Variants in NCAM1 observed in about 807,000 individuals in gnomAD.
The protein encoded by NCAM1 is neural cell adhesion molecule 1.
NCAM1 carries 14 observed loss-of-function variants against 109.8 expected under a neutral mutation model. That is an observed-to-expected ratio of 0.13 (90% CI 0.08 to 0.20). The LOEUF (loss-of-function observed/expected upper bound fraction) is 0.20. Ranked by LOEUF, NCAM1 falls within the 10% of genes least tolerant of loss-of-function variation. NCAM1 has a pLI of 1.00. For missense variants in NCAM1, 774 were observed against 1,109.9 expected (o/e 0.70, Z 4.30); for synonymous variants, 418 against 442.9 (o/e 0.94, Z 0.70).
Position 113,270,395 on chromosome 11 carries a change from C to T in NCAM1, c.2339C>T (p.Ser780Leu), listed in dbSNP as rs1555125068. The change falls in exon 18 of 20, where the codon TCG becomes TTG. Residue 780 changes from serine (S) to leucine (L), a missense_variant and splice_region_variant. Transcript: ENST00000316851. ...ATGGAGGAGGGCAAGGCCGCCTTCTCGTGAGTGCAGACCTGTCCACCTTGC... is the reference window on the plus strand; with the variant it reads ...ATGGAGGAGGGCAAGGCCGCCTTCTTGTGAGTGCAGACCTGTCCACCTTGC... ...KDMEEGKAAFSKDESKEPIVE... is the reference protein window; with the variant it reads ...KDMEEGKAAFLKDESKEPIVE... 2.5e-6 allele frequency: 4 copies of T among 1,613,940 alleles called. No homozygotes were observed. The highest frequency in any genetic ancestry group is 2.5e-6 in the Non-Finnish European group (3 of 1,179,858).
intron 1 of NCAM1, among the ~76,000 whole-genome samples, chr11:113,176,642 A>T (rs1943153125): frequency 6.6e-6 from 1 of 152,222 alleles, no homozygotes; most frequent in Non-Finnish European, 1.5e-5. Context: ...AGGAGGTGTT[A>T]TGGGTTTTTG....
intron 1 of NCAM1, among the ~76,000 whole-genome samples, chr11:113,100,901 T>C (rs1555091395): frequency 1.3e-5 from 2 of 152,196 alleles, no homozygotes; most frequent in Admixed American, 6.5e-5. Flanking sequence ...CCTGTCAGTA[T>C]CACTGTGGCC....
intron 1 of NCAM1, among the ~76,000 whole-genome samples, chr11:112,964,521 C>T (rs1321751599): frequency 1.3e-4 from 20 of 152,042 alleles, no homozygotes; most frequent in African/African-American, 4.8e-4. Context: ...AAGATACCAT[C>T]GGTTAAGAAC....
At chr11:113,176,420 G>A (rs888607090) in intron 1 of NCAM1, among the ~76,000 whole-genome samples, 39 of 152,186 alleles carry the variant, frequency 2.6e-4, no homozygotes, top group Non-Finnish European at 4.6e-4. Context: ...AGGTCAGAAG[G>A]GATGCTAGGT....
chr11:113,171,496 G>T (rs959185973), intron 1 of NCAM1, among the ~76,000 whole-genome samples: 1 of 152,180 alleles, frequency 6.6e-6, no homozygotes, highest in Non-Finnish European at 1.5e-5. Flanking sequence ...AGCCAGGCTT[G>T]GTGGCACATG....
intron 1 of NCAM1, among the ~76,000 whole-genome samples, chr11:112,989,196 T>C (rs1285263968): frequency 6.6e-6 from 1 of 152,242 alleles, no homozygotes; most frequent in Admixed American, 6.5e-5. Flanking sequence ...GTGAGCTTTC[T>C]GGTCCCTTCT....
chr11:113,021,640 C>T (rs1254230619), intron 1 of NCAM1, among the ~76,000 whole-genome samples: 2 of 152,200 alleles, frequency 1.3e-5, no homozygotes, highest in African/African-American at 2.4e-5. Context: ...CTCAAAATGT[C>T]TCTGTTACAC....
Position 113,204,519 on chromosome 11 carries a change from C to T in NCAM1, c.346+15C>T. 6.2e-7 allele frequency: 1 copy of T among 1,611,960 alleles called. No individual in the cohort carries two copies. On this transcript the variant is annotated intron_variant, in intron 3 of 19. Transcript: ENST00000316851. ...GAAGATCTTTCGTAAGAGCCTCCTTCTTCTTCTGCATTCTCTGGCCTCTCC... is the reference window on the plus strand; with the variant it reads ...GAAGATCTTTCGTAAGAGCCTCCTTTTTCTTCTGCATTCTCTGGCCTCTCC...
chr11:112,996,460 C>T (rs12285372), intron 1 of NCAM1, among the ~76,000 whole-genome samples: 28,651 of 152,094 alleles, frequency 0.19, 3,046 homozygotes, highest in East Asian at 0.27. Context: ...TATGACATAA[C>T]GTACTTAACC....
At chr11:113,123,217 AT>A (rs150880896) in intron 1 of NCAM1, among the ~76,000 whole-genome samples, 5,235 of 152,320 alleles carry the variant, frequency 0.034, 143 homozygotes, top group East Asian at 0.085. Context: ...GATTTGAAAT[AT>A]TCCCAACACA....
At chr11:113,073,814 T>G (rs1555085683) in intron 1 of NCAM1, among the ~76,000 whole-genome samples, 1 of 152,222 alleles carries the variant, frequency 6.6e-6, no homozygotes. Context: ...TCTTATTTCT[T>G]CTGATCAATT....
intron 1 of NCAM1, among the ~76,000 whole-genome samples, chr11:113,104,863 CA>C (rs1565439012): frequency 6.6e-6 from 1 of 152,182 alleles, no homozygotes; most frequent in East Asian, 1.9e-4. Context: ...AACATAAAAA[CA>C]AAGTAAATTT....
chr11:113,230,289 A>G (rs1424291604), intron 9 of NCAM1, among the ~76,000 whole-genome samples: 1 of 152,186 alleles, frequency 6.6e-6, no homozygotes, highest in African/African-American at 2.4e-5. Flanking sequence ...TATAGGTCAA[A>G]GCAGAGGATC....
chr11:113,121,556 A>AAAAAG (rs1426180380), intron 1 of NCAM1, among the ~76,000 whole-genome samples: 3 of 151,176 alleles, frequency 2.0e-5, no homozygotes, highest in African/African-American at 7.3e-5. Flanking sequence ...AAAAAAAAAA[A>AAAAAG]AAGGCACTGT....
At chr11:113,045,505 G>A (rs1405791412) in intron 1 of NCAM1, among the ~76,000 whole-genome samples, 2 of 152,126 alleles carry the variant, frequency 1.3e-5, no homozygotes, top group Non-Finnish European at 2.9e-5. Context: ...ACAGCCCTCT[G>A]GGAACCACAT....
intron 17 of NCAM1, chr11:113,264,187 C>G (rs568421121): frequency 6.5e-4 from 643 of 985,202 alleles, no homozygotes; most frequent in Non-Finnish European, 7.4e-4. Flanking sequence ...TATCTCATCT[C>G]TGAGCATCTC....
chr11:113,032,981 G>A (rs886067982), intron 1 of NCAM1, among the ~76,000 whole-genome samples: 1 of 152,102 alleles, frequency 6.6e-6, no homozygotes, highest in Non-Finnish European at 1.5e-5. Flanking sequence ...TCCCATAATT[G>A]AAGGCAACCA....
chr11:113,121,816 A>G (rs1171704846), intron 1 of NCAM1, among the ~76,000 whole-genome samples: 2 of 152,138 alleles, frequency 1.3e-5, no homozygotes, highest in East Asian at 1.9e-4. Context: ...GTAAATGTGG[A>G]CCTATTTACT....
intron 2 of NCAM1, among the ~76,000 whole-genome samples, chr11:113,203,061 G>T (rs1944117986): frequency 6.6e-6 from 1 of 152,194 alleles, no homozygotes; most frequent in Admixed American, 6.5e-5. Context: ...CATTTCCACA[G>T]CCCAGATAAT....
Sources: gnomAD v4.1 joint callset for allele counts (sites outside exome capture counted in the v4.1 genomes callset) on GRCh38, gnomAD v4.1.1 for gene constraint, MANE v1.5 for transcripts, NCBI Gene and HGNC (gene_info 2026-07-23, HGNC 2026-07-21) for gene names.